UNC5D: variants seen among roughly 807,000 people sequenced by gnomAD.
UNC5D encodes netrin receptor UNC5D.
In UNC5D, 39 loss-of-function variants were observed where a neutral mutation model predicts 105.4. The ratio of observed to expected loss-of-function variants is 0.37; its 90% confidence interval spans 0.29 to 0.48. The LOEUF is 0.48. Ranked by LOEUF, UNC5D falls within the 20% of genes least tolerant of loss-of-function variation. The pLI is 0.98. For missense variants in UNC5D, 991 were observed against 1,202.4 expected (o/e 0.82, Z 2.60); for synonymous variants, 452 against 450.4 (o/e 1.00, Z -0.04).
chr8:35,779,736 G>A (rs965268097), intron 16 of UNC5D, among the ~76,000 whole-genome samples: 10 of 152,112 alleles, frequency 6.6e-5, no homozygotes, highest in Non-Finnish European at 1.5e-4. Flanking sequence ...GATTACAGGC[G>A]TGTGCCACCA....
intron 11 of UNC5D, among the ~76,000 whole-genome samples, chr8:35,735,224 C>G (rs765428000): frequency 1.3e-5 from 2 of 152,108 alleles, no homozygotes; most frequent in South Asian, 4.1e-4. Flanking sequence ...CCTCTCCCAG[C>G]TCTCCTTTTG....
chr8:35,462,567 C>G (rs1240083433), intron 1 of UNC5D, among the ~76,000 whole-genome samples: 1 of 151,978 alleles, frequency 6.6e-6, no homozygotes. Flanking sequence ...ATTACAATAC[C>G]AGTGATCATC....
chr8:35,636,871 T>A (rs896929735), intron 4 of UNC5D, among the ~76,000 whole-genome samples: 1 of 152,206 alleles, frequency 6.6e-6, no homozygotes, highest in Admixed American at 6.5e-5. Context: ...GTGTGTTTGC[T>A]CTGGCAGTGG....
Position 35,279,113 on chromosome 8 carries a change from C to T in UNC5D, c.103+43226C>T, listed in dbSNP as rs569279316. Among the ~76,000 whole-genome samples the T allele has an allele frequency of 2.2e-4, 33 of 152,282 alleles. 1 individual carries two copies. Among genetic ancestry groups the T allele is most frequent in the Non-Finnish European group, 4.3e-4 (29 of 68,030 alleles). ...AGGCTCTGTCGAACTCCAGCAGAAA[C>T]TCTCATCCTGCTGAGCTACTCAGAG... On this transcript the variant is annotated intron_variant, in intron 1 of 16. Coordinates refer to ENST00000404895, the MANE Select transcript of UNC5D (RefSeq NM_080872.4).
chr8:35,753,500 A>ACCTCAGCCT (rs1830381599), intron 13 of UNC5D, among the ~76,000 whole-genome samples: 2 of 152,002 alleles, frequency 1.3e-5, no homozygotes, highest in South Asian at 4.1e-4. Flanking sequence ...CGATCCGCCC[A>ACCTCAGCCT]CCTCAGCCTC....
rs112472662 is a variant in UNC5D at position 35,565,750 on chromosome 8, G to A, written c.323-2348G>A. ...CCAATTTGAGTTAATTGTTGTATAT[G>A]GTGAGAGGGATCCAGTTTCATTCTT... On this transcript the variant is annotated intron_variant, in intron 2 of 16. Transcript: ENST00000404895. Among the ~76,000 whole-genome samples the A allele has an allele frequency of 4.9e-3, 747 of 152,244 alleles. 11 individuals carry two copies. Among genetic ancestry groups the A allele is most frequent in the African/African-American group, 0.017 (701 of 41,542 alleles).
chr8:35,304,748 G>A (rs962723302), intron 1 of UNC5D, among the ~76,000 whole-genome samples: 10 of 152,156 alleles, frequency 6.6e-5, no homozygotes, highest in African/African-American at 2.4e-4. Flanking sequence ...TAAAATAATT[G>A]TTCTCTCTCT....
intron 1 of UNC5D, among the ~76,000 whole-genome samples, chr8:35,378,240 G>A (rs1802814539): frequency 6.6e-6 from 1 of 152,068 alleles, no homozygotes; most frequent in Non-Finnish European, 1.5e-5. Context: ...CTAATACAAA[G>A]TACCTTATAA....
At chr8:35,786,866 C>T (rs531888576) in intron 16 of UNC5D, among the ~76,000 whole-genome samples, 16 of 152,234 alleles carry the variant, frequency 1.1e-4, no homozygotes, top group African/African-American at 3.4e-4. Flanking sequence ...TGGCCCACCA[C>T]CTGCTTGTAT....
chr8:35,339,851 G>A (rs1585622543), intron 1 of UNC5D, among the ~76,000 whole-genome samples: 2 of 152,124 alleles, frequency 1.3e-5, no homozygotes, highest in Non-Finnish European at 2.9e-5. Flanking sequence ...TATGTTAAGG[G>A]CAGTAGGAAG....
intron 4 of UNC5D, among the ~76,000 whole-genome samples, chr8:35,658,610 G>C (rs534062670): frequency 6.6e-6 from 1 of 150,606 alleles, no homozygotes; most frequent in East Asian, 2.0e-4. Flanking sequence ...AGAAAAGTTA[G>C]GAAGTGACCT....
chr8:35,671,018 T>C (rs375948702), intron 4 of UNC5D, among the ~76,000 whole-genome samples: 4 of 152,118 alleles, frequency 2.6e-5, no homozygotes, highest in South Asian at 4.1e-4. Context: ...CTGACACATC[T>C]AATACATATT....
At chr8:35,607,007 A>G (rs966528168) in intron 4 of UNC5D, among the ~76,000 whole-genome samples, 1 of 152,058 alleles carries the variant, frequency 6.6e-6, no homozygotes, top group African/African-American at 2.4e-5. Flanking sequence ...ACACATCCCT[A>G]CCTGTTTCTT....
intron 12 of UNC5D, among the ~76,000 whole-genome samples, 172 bp downstream of exon 12, chr8:35,748,867 C>G (rs1380908174): frequency 6.6e-6 from 1 of 152,114 alleles, no homozygotes; most frequent in Non-Finnish European, 1.5e-5. Context: ...CTTCCCCCCC[C>G]ATTATAATAG....
At chr8:35,260,059 C>T (rs1804368415) in intron 1 of UNC5D, among the ~76,000 whole-genome samples, 1 of 152,098 alleles carries the variant, frequency 6.6e-6, no homozygotes, top group African/African-American at 2.4e-5. Context: ...CAATGATTTG[C>T]CAAATCTCTA....
chr8:35,399,551 G>A (rs1339990307), intron 1 of UNC5D, among the ~76,000 whole-genome samples: 1 of 152,064 alleles, frequency 6.6e-6, no homozygotes, highest in Non-Finnish European at 1.5e-5. Context: ...TCATTTATAA[G>A]CCAGTTTCTA....
At chr8:35,671,752 T>TAG (rs1272967900) in intron 4 of UNC5D, among the ~76,000 whole-genome samples, 2 of 152,148 alleles carry the variant, frequency 1.3e-5, no homozygotes, top group African/African-American at 4.8e-5. Context: ...GAAACTTGGA[T>TAG]AGAGTGTCTA....
At chr8:35,389,159 T>G (rs1803614239) in intron 1 of UNC5D, among the ~76,000 whole-genome samples, 2 of 152,248 alleles carry the variant, frequency 1.3e-5, no homozygotes, top group African/African-American at 4.8e-5. Context: ...TGTGGAATTT[T>G]AAAACATTCA....
intron 1 of UNC5D, among the ~76,000 whole-genome samples, chr8:35,289,150 G>A (rs1188741852): frequency 1.3e-5 from 2 of 152,146 alleles, no homozygotes; most frequent in Admixed American, 6.5e-5. Context: ...AACTGAAAGA[G>A]AAGGGATGGA....
Sources: gnomAD v4.1 joint callset for allele counts (sites outside exome capture counted in the v4.1 genomes callset) on GRCh38, gnomAD v4.1.1 for gene constraint, MANE v1.5 for transcripts, NCBI Gene and HGNC (gene_info 2026-07-23, HGNC 2026-07-21) for gene names.